The following THSD7B variants were observed in gnomAD, a reference collection of about 807,000 sequenced individuals.
The protein encoded by THSD7B is thrombospondin type-1 domain-containing protein 7B.
THSD7B carries 138 observed loss-of-function variants against 213.6 expected under a neutral mutation model. The ratio of observed to expected loss-of-function variants is 0.65; its 90% CI spans 0.56 to 0.74. The LOEUF (loss-of-function observed/expected upper bound fraction) is 0.74, where lower values mean the gene tolerates loss of function less well. Ranked by LOEUF, THSD7B falls within the 30% of genes least tolerant of loss-of-function variation. THSD7B has a pLI of 0.00. For missense variants in THSD7B, 1,931 were observed against 1,991.5 expected (o/e 0.97, Z 0.58); for synonymous variants, 742 against 687.0 (o/e 1.08, Z -1.25).
intron 3 of THSD7B, among the ~76,000 whole-genome samples, chr2:137,057,561 C>T (rs1034829671): frequency 6.6e-6 from 1 of 152,152 alleles, no homozygotes; most frequent in Non-Finnish European, 1.5e-5. Context: ...AGGGGCTTCT[C>T]ATAATGATAA....
At position 137,153,375 on chromosome 2, in the gene THSD7B, A is replaced by G. The variant is rs1248024884; in HGVS notation, c.1370-6838A>G. ...TTGACATGTGGCCAAATTTTACATA[A>G]TTATTTCTAATTGCAGGAATTATTT... is the stretch of plus-strand genomic sequence containing the variant. On this transcript the variant is annotated intron_variant, in intron 5 of 27. Transcript: ENST00000409968. 2.6e-5 allele frequency among the ~76,000 whole-genome samples: 4 copies of G among 152,278 alleles called. No individual in the cohort carries two copies. The South Asian group carries it at 6.2e-4, about 24-fold the overall frequency.
Position 137,277,928 on chromosome 2 carries a change from A to G in THSD7B, c.2500+1902A>G, listed in dbSNP as rs563769722. Among the ~76,000 whole-genome samples, 14 of 152,188 alleles carry G rather than the reference A, an allele frequency of 9.2e-5. No homozygotes were observed. In the South Asian group the frequency reaches 2.9e-3, roughly 32 times the overall value. On this transcript the variant is annotated intron_variant, in intron 12 of 27. Coordinates refer to ENST00000409968, the MANE Select transcript of THSD7B (RefSeq NM_001316349.2). ...GTTCAAGTTCTTCACCTTTCACTCTACAGAGTCAGATTTCTACCATTTCTT... is the reference window on the plus strand; with the variant it reads ...GTTCAAGTTCTTCACCTTTCACTCTGCAGAGTCAGATTTCTACCATTTCTT...
At position 137,115,277 on chromosome 2, in the gene THSD7B, A is replaced by G; in HGVS notation, c.1353A>G (p.Ala451=). ...YCAQSVPAAA[A]LRAKEVSRPV... ...CCCAGAGCGTACCAGCAGCTGCCGCACTGAGGGCCAAGGAAGGTAGGCAGC... is the reference window on the plus strand; with the variant it reads ...CCCAGAGCGTACCAGCAGCTGCCGCGCTGAGGGCCAAGGAAGGTAGGCAGC... The change falls in exon 5 of 28, where the codon GCA becomes GCG. Residue 451 remains alanine (A), a synonymous_variant. Coordinates refer to ENST00000409968, the MANE Select transcript of THSD7B (RefSeq NM_001316349.2). The G allele has an allele frequency of 6.3e-7, 1 of 1,577,968 alleles. No homozygotes were observed. The highest frequency in any genetic ancestry group is 8.6e-7 in the Non-Finnish European group (1 of 1,163,702).
chr2:137,099,243 T>A (rs142903569), intron 4 of THSD7B, among the ~76,000 whole-genome samples: 97 of 152,222 alleles, frequency 6.4e-4, no homozygotes, highest in African/African-American at 2.3e-3. Flanking sequence ...CCAAACATGA[T>A]GAGATAGGAG....
chr2:137,047,895 T>C (rs1686998056), intron 2 of THSD7B, among the ~76,000 whole-genome samples: 1 of 152,090 alleles, frequency 6.6e-6, no homozygotes, highest in Non-Finnish European at 1.5e-5. Flanking sequence ...AGGAAGAAGG[T>C]CTCTACAGTT....
At chr2:136,998,560 C>T (rs1449084796) in intron 2 of THSD7B, among the ~76,000 whole-genome samples, 2 of 152,094 alleles carry the variant, frequency 1.3e-5, no homozygotes, top group African/African-American at 4.8e-5. Flanking sequence ...TGTGAAGCTT[C>T]ACAGTATCAA....
intron 10 of THSD7B, among the ~76,000 whole-genome samples, chr2:137,245,437 C>T (rs1682005053): frequency 6.6e-6 from 1 of 152,100 alleles, no homozygotes; most frequent in African/African-American, 2.4e-5. Context: ...GTTGGCACTC[C>T]ATTCTCTTCA....
At chr2:136,956,418 C>T (rs950857918) in intron 2 of THSD7B, among the ~76,000 whole-genome samples, 4 of 152,136 alleles carry the variant, frequency 2.6e-5, no homozygotes, top group African/African-American at 9.7e-5. Flanking sequence ...ATAGGTCTGA[C>T]CAATAGCCCC....
intron 1 of THSD7B, among the ~76,000 whole-genome samples, chr2:136,856,850 T>G (rs2104968761): frequency 6.6e-6 from 1 of 152,330 alleles, no homozygotes; most frequent in South Asian, 2.1e-4. Context: ...TCAGACTTCC[T>G]GTTAATTGTT....
At chr2:137,664,724 T>C (rs1238016253) in intron 26 of THSD7B, among the ~76,000 whole-genome samples, 1 of 152,176 alleles carries the variant, frequency 6.6e-6, no homozygotes, top group Non-Finnish European at 1.5e-5. Flanking sequence ...TAAAGGCAGA[T>C]CTTTTAGGCT....
Position 137,268,175 on chromosome 2 carries a change from T to C in THSD7B, c.2267-4358T>C, listed in dbSNP as rs917915772. Among the ~76,000 whole-genome samples, 5 of 152,256 alleles carry C rather than the reference T, an allele frequency of 3.3e-5. No individual in the cohort carries two copies. The East Asian group carries it at 7.7e-4, about 24-fold the overall frequency. ...TTTTATTTTATTTTTTTTATATACT[T>C]TAAGTTCTAGGGTACATGTGCACAA... On this transcript the variant is annotated intron_variant, in intron 10 of 27. Coordinates refer to ENST00000409968, the MANE Select transcript of THSD7B (RefSeq NM_001316349.2).
At chr2:137,666,231 A>C (rs1683443410) in intron 26 of THSD7B, among the ~76,000 whole-genome samples, 1 of 152,094 alleles carries the variant, frequency 6.6e-6, no homozygotes, top group African/African-American at 2.4e-5. Context: ...ACCAATCCAT[A>C]AGTTGTTATG....
At chr2:137,348,011 C>T (rs1684916463) in intron 12 of THSD7B, among the ~76,000 whole-genome samples, 2 of 151,040 alleles carry the variant, frequency 1.3e-5, no homozygotes, top group African/African-American at 4.9e-5. Context: ...GAAATGTAGA[C>T]CAGAGTTTCA....
chr2:136,766,345 C>T (rs1681390848), intron 1 of THSD7B, among the ~76,000 whole-genome samples: 1 of 151,756 alleles, frequency 6.6e-6, no homozygotes, highest in Non-Finnish European at 1.5e-5. Context: ...GCAAGCTGGG[C>T]TCGGACGTGA....
intron 3 of THSD7B, among the ~76,000 whole-genome samples, chr2:137,076,176 C>T (rs35008975): frequency 0.083 from 12,703 of 152,270 alleles, 755 homozygotes; most frequent in African/African-American, 0.16. Context: ...CTGTGCCCTG[C>T]CTCCAGAGGT....
chr2:136,951,382 A>G (rs1469725058), intron 2 of THSD7B, among the ~76,000 whole-genome samples: 2 of 152,190 alleles, frequency 1.3e-5, no homozygotes, highest in Admixed American at 6.5e-5. Context: ...AAATATAACT[A>G]TAATTTGAAT....
rs1260962357 is a variant in THSD7B, at chr2:137,344,663, G to A, written c.2501-60950G>A. Among the ~76,000 whole-genome samples the A allele has an allele frequency of 4.0e-5, 6 of 151,500 alleles. No individual in the cohort carries two copies. In the South Asian group the frequency reaches 8.3e-4, roughly 21 times the overall value. On this transcript the variant is annotated intron_variant, in intron 12 of 27. Coordinates refer to ENST00000409968, the MANE Select transcript of THSD7B (RefSeq NM_001316349.2). Reference sequence around the variant, plus strand: ...TGGAGGAGATATCACCAGTTTGGACGAACCATTTTCTCTCATTATGACATA... The same window carrying A: ...TGGAGGAGATATCACCAGTTTGGACAAACCATTTTCTCTCATTATGACATA...
intron 12 of THSD7B, among the ~76,000 whole-genome samples, chr2:137,316,426 G>T (rs1684100550): frequency 6.6e-6 from 1 of 152,058 alleles, no homozygotes. Context: ...AAAGATTTTG[G>T]AAAAAAGTGA....
chr2:137,586,670 C>G (rs188486336), intron 17 of THSD7B, among the ~76,000 whole-genome samples: 12 of 152,346 alleles, frequency 7.9e-5, no homozygotes, highest in African/African-American at 2.4e-4. Context: ...GGCCCCCACT[C>G]TCTTCTGGCT....
Sources: gnomAD v4.1 joint callset for allele counts (sites outside exome capture counted in the v4.1 genomes callset) on GRCh38, gnomAD v4.1.1 for gene constraint, MANE v1.5 for transcripts, NCBI Gene and HGNC (gene_info 2026-07-23, HGNC 2026-07-21) for gene names.